The following USP13 variants were observed in gnomAD, a reference collection of about 807,000 sequenced individuals.
The protein encoded by USP13 is ubiquitin carboxyl-terminal hydrolase 13.
A neutral mutation model predicts 107.8 loss-of-function variants in USP13; 68 were observed. The observed-to-expected ratio is 0.63, with a 90% CI of 0.52 to 0.77. The LOEUF is 0.77. Among genes scored for constraint, USP13 ranks in the 30% least tolerant of loss-of-function variants. USP13 has a pLI of 0.00. For missense variants in USP13, 945 were observed against 1,093.3 expected, an observed-to-expected ratio of 0.86 and a Z score of 1.91; for synonymous variants, 377 against 389.5, an observed-to-expected ratio of 0.97 and a Z score of 0.38.
At chr3:179,758,937 CTAT>C (rs1414163766) in intron 16 of USP13, among the ~76,000 whole-genome samples, 2 of 150,334 alleles carry the variant, frequency 1.3e-5, no homozygotes, top group Non-Finnish European at 2.9e-5. Flanking sequence ...GTATATCCTT[CTAT>C]TATTGTGCCT....
At chr3:179,755,645 CT>C (rs1442436698) in intron 15 of USP13, among the ~76,000 whole-genome samples, 4 of 152,232 alleles carry the variant, frequency 2.6e-5, no homozygotes, top group African/African-American at 4.8e-5. Flanking sequence ...GTTGTCTCAC[CT>C]TTGTGAGTTC....
intron 17 of USP13, among the ~76,000 whole-genome samples, chr3:179,761,568 A>C (rs1715014450): frequency 6.6e-6 from 1 of 152,182 alleles, no homozygotes; most frequent in Admixed American, 6.5e-5. Context: ...CTAAAGATAC[A>C]AAAATTAGCT....
At chr3:179,745,517 T>TCTTTCTTC (rs1440930959) in intron 13 of USP13, among the ~76,000 whole-genome samples, 3 of 139,436 alleles carry the variant, frequency 2.2e-5, no homozygotes, top group Non-Finnish European at 4.6e-5. Context: ...TTCCTTCCTT[T>TCTTTCTTC]CTTTCTTCCT....
chr3:179,691,984 T>C (rs1712132265), intron 3 of USP13, among the ~76,000 whole-genome samples: 1 of 152,254 alleles, frequency 6.6e-6, no homozygotes, highest in Non-Finnish European at 1.5e-5. Flanking sequence ...CATAGTATGA[T>C]TTCATTTTTG....
At chr3:179,657,679 G>C (rs766647280) in intron 1 of USP13, among the ~76,000 whole-genome samples, 1 of 142,030 alleles carries the variant, frequency 7.0e-6, no homozygotes, top group African/African-American at 2.7e-5. Flanking sequence ...CAGGAGAATC[G>C]CTTGAACCTG....
At chr3:179,759,217 G>A (rs918485510) in intron 16 of USP13, among the ~76,000 whole-genome samples, 11 of 151,940 alleles carry the variant, frequency 7.2e-5, no homozygotes, top group Admixed American at 2.0e-4. Context: ...TCCTGACCTC[G>A]TCATCTGCCC....
chr3:179,745,405 C>T (rs1343399172), intron 13 of USP13, among the ~76,000 whole-genome samples, 188 bp downstream of exon 13: 1 of 152,178 alleles, frequency 6.6e-6, no homozygotes, highest in Non-Finnish European at 1.5e-5. Flanking sequence ...TCCAATAAAA[C>T]AGGCCTGTGA....
chr3:179,765,659 G>A (rs762182919), intron 18 of USP13, 36 bp from the exon 19 acceptor site: 18 of 1,609,166 alleles, frequency 1.1e-5, no homozygotes, highest in Non-Finnish European at 1.5e-5. Context: ...GAGGCTGCAT[G>A]CATTGTAAAA....
chr3:179,780,502 AG>A (rs1715707637), intron 19 of USP13, among the ~76,000 whole-genome samples: 2 of 152,212 alleles, frequency 1.3e-5, no homozygotes, highest in Non-Finnish European at 2.9e-5. Context: ...ACATGATATC[AG>A]CCAGAGAGAG....
chr3:179,671,609 C>CAAAA (rs1211151008), intron 1 of USP13, among the ~76,000 whole-genome samples: 1 of 152,176 alleles, frequency 6.6e-6, no homozygotes, highest in Non-Finnish European at 1.5e-5. Context: ...AAATACTCAT[C>CAAAA]CACAAGTCAA....
At chr3:179,672,153 T>C (rs1720766954) in intron 1 of USP13, among the ~76,000 whole-genome samples, 2 of 152,220 alleles carry the variant, frequency 1.3e-5, no homozygotes, top group Admixed American at 1.3e-4. Context: ...CTCTGAAACA[T>C]GTTGCAATCT....
rs1339611027 is a variant in USP13 at position 179,714,057 on chromosome 3, G to A, written c.805+5100G>A. Among the ~76,000 whole-genome samples the A allele has an allele frequency of 2.0e-5, 3 of 152,202 alleles. No homozygotes were observed. The East Asian group carries it at 5.8e-4, about 29-fold the overall frequency. ...ACAAACAAACAAAAAGCTTTCCTCT[G>A]TGGGAGGACGCATTGTTTCGGCGAG... is the stretch of plus-strand genomic sequence containing the variant. On this transcript the variant is annotated intron_variant, in intron 6 of 20. Coordinates refer to ENST00000263966, the MANE Select transcript of USP13 (RefSeq NM_003940.3).
At chr3:179,667,471 T>C (rs1720620200) in intron 1 of USP13, among the ~76,000 whole-genome samples, 1 of 152,208 alleles carries the variant, frequency 6.6e-6, no homozygotes, top group African/African-American at 2.4e-5. Flanking sequence ...ATTTTCTTTT[T>C]GTATGTGTAA....
intron 1 of USP13, among the ~76,000 whole-genome samples, chr3:179,664,278 G>C (rs1262298627): frequency 6.6e-6 from 1 of 151,980 alleles, no homozygotes; most frequent in Non-Finnish European, 1.5e-5. Flanking sequence ...ATTTTTACTA[G>C]GGATGGGGTT....
intron 6 of USP13, among the ~76,000 whole-genome samples, chr3:179,715,614 T>C (rs1264760640): frequency 1.3e-5 from 2 of 152,078 alleles, no homozygotes; most frequent in African/African-American, 4.8e-5. Context: ...CCGCCTGTCT[T>C]TGCCTCCCAA....
At chr3:179,783,928 G>C in intron 20 of USP13, 120 bp from the exon 21 acceptor site, 1 of 678,752 alleles carries the variant, frequency 1.5e-6, no homozygotes. Flanking sequence ...CAACGAACTT[G>C]AGTATAGTAC....
At chr3:179,774,042 A>G (rs769117377) in intron 19 of USP13, among the ~76,000 whole-genome samples, 16 of 152,222 alleles carry the variant, frequency 1.1e-4, no homozygotes, top group Non-Finnish European at 2.4e-4. Context: ...TCTTCAGAGT[A>G]TACAAGAAGC....
intron 4 of USP13, among the ~76,000 whole-genome samples, chr3:179,701,606 G>A (rs1712525935): frequency 6.6e-6 from 1 of 152,170 alleles, no homozygotes; most frequent in South Asian, 2.1e-4. Context: ...CAATAGCGAC[G>A]CAGTTACAAA....
intron 19 of USP13, among the ~76,000 whole-genome samples, chr3:179,773,488 T>G (rs1043628222): frequency 2.0e-5 from 3 of 152,228 alleles, no homozygotes; most frequent in Non-Finnish European, 4.4e-5. Context: ...TATAATGGCT[T>G]ATAAAATTAA....
Sources: gnomAD v4.1 joint callset for allele counts (sites outside exome capture counted in the v4.1 genomes callset) on GRCh38, gnomAD v4.1.1 for gene constraint, MANE v1.5 for transcripts, NCBI Gene and HGNC (gene_info 2026-07-23, HGNC 2026-07-21) for gene names.